The following RPS6KC1 variants were observed in gnomAD, a reference collection of about 807,000 sequenced individuals.
RPS6KC1 encodes the protein inactive ribosomal protein S6 kinase delta-1.
A neutral mutation model predicts 103.8 loss-of-function variants in RPS6KC1; 54 were observed. The ratio of observed to expected loss-of-function variants is 0.52; its 90% CI spans 0.42 to 0.65. The LOEUF (loss-of-function observed/expected upper bound fraction) is 0.65, where lower values mean the gene tolerates loss of function less well. Ranked by LOEUF, RPS6KC1 falls within the 30% of genes least tolerant of loss-of-function variation. RPS6KC1 has a pLI of 0.00. For missense variants in RPS6KC1, 1,151 were observed against 1,253.8 expected (o/e 0.92, Z 1.24); for synonymous variants, 439 against 438.7 (o/e 1.00, Z -0.01).
At chr1:213,362,869 C>G in the RPS6KC1 span, among the ~76,000 whole-genome samples, 10 of 152,336 alleles carry the variant, frequency 6.6e-5, no homozygotes, top group African/African-American at 2.4e-4. Flanking sequence ...AGAGGGAGTT[C>G]TGCAACAGAC....
In RPS6KC1 at chr1:213,117,414, A is replaced by G. The variant is rs780038447; in HGVS notation, c.472+4A>G. ...TTTCCTGAGTGTAGTACGGAAGGTA[A>G]GAGATTTTAATTTTTTTGCATTTCA... On this transcript the variant is annotated splice_donor_region_variant and intron_variant, in intron 5 of 14. Transcript: ENST00000366960. The G allele has an allele frequency of 1.9e-5, 30 of 1,572,144 alleles. No individual in the cohort carries two copies. Among genetic ancestry groups the G allele is most frequent in the Non-Finnish European group, 2.4e-5 (27 of 1,147,260 alleles).
the RPS6KC1 span, among the ~76,000 whole-genome samples, chr1:213,739,701 G>A: frequency 1.3e-5 from 2 of 152,274 alleles, no homozygotes; most frequent in East Asian, 3.9e-4. Flanking sequence ...GAAGCACTGA[G>A]TGCTAGAAGA....
chr1:213,247,956 A>G lies in RPS6KC1; in HGVS notation c.2911+5298A>G, dbSNP rs912227678. Among the ~76,000 whole-genome samples, 3 of 152,204 alleles carry G rather than the reference A, an allele frequency of 2.0e-5. No individual in the cohort carries two copies. In the East Asian group the frequency reaches 5.8e-4, roughly 29 times the overall value. ...TGTAGAAATAAGGGATTTATGGAAAATACTTTCATTTAGAGGAATGAAGCC... is the reference window on the plus strand; with the variant it reads ...TGTAGAAATAAGGGATTTATGGAAAGTACTTTCATTTAGAGGAATGAAGCC... On this transcript the variant is annotated intron_variant, in intron 12 of 14. Transcript: ENST00000366960.
chr1:213,809,484 T>C, the RPS6KC1 span, among the ~76,000 whole-genome samples: 1 of 152,128 alleles, frequency 6.6e-6, no homozygotes, highest in East Asian at 1.9e-4. Flanking sequence ...CAAACTTGCT[T>C]GATACAGGGT....
chr1:213,282,993 A>C, the RPS6KC1 span, among the ~76,000 whole-genome samples: 3 of 152,230 alleles, frequency 2.0e-5, no homozygotes, highest in Non-Finnish European at 4.4e-5. Context: ...TGGCCAGCTA[A>C]TAAGATCTGT....
intron 7 of RPS6KC1, 101 bp downstream of exon 7, chr1:213,168,074 G>T: frequency 1.6e-6 from 1 of 634,474 alleles, no homozygotes; most frequent in Non-Finnish European, 2.5e-6. Flanking sequence ...TTGATTTTTT[G>T]AATTTTATTA....
chr1:213,763,017 C>T, the RPS6KC1 span, among the ~76,000 whole-genome samples: 1 of 152,038 alleles, frequency 6.6e-6, no homozygotes, highest in Non-Finnish European at 1.5e-5. Context: ...CGCCACCATG[C>T]CCGGCTAATT....
At chr1:213,584,168 G>A in the RPS6KC1 span, among the ~76,000 whole-genome samples, 1 of 152,156 alleles carries the variant, frequency 6.6e-6, no homozygotes, top group Non-Finnish European at 1.5e-5. Flanking sequence ...CATGTAAGAT[G>A]TGCTTTTCGC....
At chr1:213,634,809 C>G in the RPS6KC1 span, among the ~76,000 whole-genome samples, 1 of 151,182 alleles carries the variant, frequency 6.6e-6, no homozygotes, top group Non-Finnish European at 1.5e-5. Context: ...AAAAAAAACC[C>G]TTCAAAAAAT....
chr1:213,125,626 T>TTGTGTGTGTG (rs5780709), intron 5 of RPS6KC1: 30 of 145,816 alleles, frequency 2.1e-4, no homozygotes, highest in African/African-American at 7.6e-4. Context: ...TTTTATCTGC[T>TTGTGTGTGTG]TGTGTGTGTG....
the RPS6KC1 span, among the ~76,000 whole-genome samples, chr1:213,508,068 A>G: frequency 6.6e-6 from 1 of 152,174 alleles, no homozygotes; most frequent in Non-Finnish European, 1.5e-5. Context: ...CTTGTATTTA[A>G]ATATCATGTA....
intron 7 of RPS6KC1, among the ~76,000 whole-genome samples, chr1:213,172,742 A>G (rs1303686548): frequency 1.3e-5 from 2 of 152,196 alleles, no homozygotes; most frequent in Non-Finnish European, 2.9e-5. Context: ...CAGTTGAGTG[A>G]TATGTACTTG....
At chr1:213,539,135 T>A in the RPS6KC1 span, among the ~76,000 whole-genome samples, 2 of 152,184 alleles carry the variant, frequency 1.3e-5, no homozygotes, top group Admixed American at 1.3e-4. Flanking sequence ...CTGTTTCTTT[T>A]TGCTCCTTCC....
the RPS6KC1 span, among the ~76,000 whole-genome samples, chr1:213,322,633 T>C: frequency 9.9e-5 from 15 of 152,230 alleles, no homozygotes; most frequent in African/African-American, 3.6e-4. Flanking sequence ...AAGATGGTGT[T>C]CTTTCTGAAG....
At chr1:213,602,116 C>CTT in the RPS6KC1 span, among the ~76,000 whole-genome samples, 2 of 33,074 alleles carry the variant, frequency 6.0e-5, no homozygotes, top group Non-Finnish European at 5.6e-5. Flanking sequence ...TTCTTTCTTT[C>CTT]TTTCTCTTTC....
At chr1:213,197,438 T>C (rs1331415446) in intron 8 of RPS6KC1, among the ~76,000 whole-genome samples, 2 of 152,218 alleles carry the variant, frequency 1.3e-5, no homozygotes, top group Non-Finnish European at 2.9e-5. Flanking sequence ...TTTCCATTTT[T>C]TCGTGTCATC....
At chr1:213,410,440 G>A in the RPS6KC1 span, among the ~76,000 whole-genome samples, 2 of 152,198 alleles carry the variant, frequency 1.3e-5, no homozygotes, top group South Asian at 2.1e-4. Flanking sequence ...AAGTCTTTGT[G>A]AAGGCATTGG....
chr1:213,178,885 G>GT (rs900417025), intron 8 of RPS6KC1, among the ~76,000 whole-genome samples: 3 of 151,636 alleles, frequency 2.0e-5, no homozygotes, highest in African/African-American at 7.3e-5. Context: ...CTGGCTAATA[G>GT]TTTTTTGTAT....
chr1:213,226,081 G>A (rs1248052861), intron 8 of RPS6KC1, among the ~76,000 whole-genome samples: 1 of 152,070 alleles, frequency 6.6e-6, no homozygotes, highest in African/African-American at 2.4e-5. Context: ...AAATTAGCTG[G>A]GTGTGGTGGC....
Sources: gnomAD v4.1 joint callset for allele counts (sites outside exome capture counted in the v4.1 genomes callset) on GRCh38, gnomAD v4.1.1 for gene constraint, MANE v1.5 for transcripts, NCBI Gene and HGNC (gene_info 2026-07-23, HGNC 2026-07-21) for gene names.